The following PRLR variants were observed in gnomAD, a reference collection of about 807,000 sequenced individuals.
The protein encoded by PRLR is prolactin receptor.
In PRLR, 13 loss-of-function variants were observed where a neutral mutation model predicts 40.2. That is an observed-to-expected ratio of 0.32 (90% CI 0.21 to 0.51). PRLR has a LOEUF of 0.51. Among genes scored for constraint, PRLR ranks in the 20% least tolerant of loss-of-function variants. The pLI is 0.97. For synonymous variants in PRLR, 269 were observed against 278.7 expected (o/e 0.97, Z 0.35); for missense variants, 656 against 747.3 (o/e 0.88, Z 1.42).
At chr5:35,227,375 T>C (rs573970025) in intron 1 of PRLR, among the ~76,000 whole-genome samples, 7 of 152,204 alleles carry the variant, frequency 4.6e-5, no homozygotes, top group Non-Finnish European at 1.0e-4. Context: ...TGGTTCTGCC[T>C]TTCCTGAGCT....
intron 1 of PRLR, among the ~76,000 whole-genome samples, chr5:35,125,978 T>C (rs1055357579): frequency 2.0e-5 from 3 of 152,186 alleles, no homozygotes; most frequent in African/African-American, 7.2e-5. Context: ...AGCAAATTAG[T>C]AGCATGTGTC....
chr5:35,051,522 G>T (rs1768497780), downstream of PRLR, among the ~76,000 whole-genome samples: 1 of 152,270 alleles, frequency 6.6e-6, no homozygotes, highest in Middle Eastern at 3.4e-3. Flanking sequence ...TTAGAGTCTG[G>T]TTCACTATGA....
At chr5:35,198,458 A>G (rs1348267131) in intron 1 of PRLR, among the ~76,000 whole-genome samples, 1 of 152,238 alleles carries the variant, frequency 6.6e-6, no homozygotes, top group Non-Finnish European at 1.5e-5. Context: ...GGATGCCTAC[A>G]GTAGCCTCTG....
chr5:35,074,504 C>CATATATATATAT lies in PRLR; in HGVS notation c.374-1772_374-1761dup, dbSNP rs3034214. ...AACAGCTACATATTTTTTATGATTC[C>CATATATATATAT]ATATATATATATATATATATATGAA... On this transcript the variant is annotated intron_variant, in intron 5 of 9. Coordinates refer to ENST00000618457, the MANE Select transcript of PRLR (RefSeq NM_000949.7). Among the ~76,000 whole-genome samples, 145 of 132,606 alleles carry CATATATATATAT rather than the reference C, an allele frequency of 1.1e-3. 2 individuals carry two copies. Among genetic ancestry groups the CATATATATATAT allele is most frequent in the African/African-American group, 4.4e-3 (132 of 30,210 alleles). 87.0% of individuals were successfully genotyped at this position (132,606 alleles called of 152,430 possible).
At position 35,176,895 on chromosome 5, in the gene PRLR, C is replaced by T. The variant is rs1265407703; in HGVS notation, c.-106+53373G>A. 2.6e-5 allele frequency among the ~76,000 whole-genome samples: 4 copies of T among 152,224 alleles called. No homozygotes were observed. In the East Asian group the frequency reaches 7.7e-4, roughly 29 times the overall value. On this transcript the variant is annotated intron_variant, in intron 1 of 9. Coordinates refer to ENST00000618457, the MANE Select transcript of PRLR (RefSeq NM_000949.7). Reference sequence around the variant, plus strand: ...GAAGGCATCTGTCTCCTGCCTGTCCCTGGGCAATGGAATGTCTTGGTATAA... The same window carrying T: ...GAAGGCATCTGTCTCCTGCCTGTCCTTGGGCAATGGAATGTCTTGGTATAA...
chr5:35,169,420 G>A (rs1432280925), intron 1 of PRLR, among the ~76,000 whole-genome samples: 1 of 152,168 alleles, frequency 6.6e-6, no homozygotes, highest in Non-Finnish European at 1.5e-5. Flanking sequence ...TGGTTTCTGA[G>A]AATGGCCCAG....
chr5:35,068,458 CTT>C (rs1769519488), intron 8 of PRLR, among the ~76,000 whole-genome samples, 173 bp from the exon 9 acceptor site: 1 of 152,104 alleles, frequency 6.6e-6, no homozygotes, highest in South Asian at 2.1e-4. Context: ...TTAAAATTAA[CTT>C]TAGCTAATTA....
At position 35,065,897 on chromosome 5, in the gene PRLR, C is replaced by T. The variant is rs1348843459; in HGVS notation, c.1061G>A (p.Cys354Tyr). The change falls in exon 10 of 10, where the codon TGT (cysteine) becomes TAT (tyrosine). Residue 354 changes from cysteine (C) to tyrosine (Y), a missense_variant. Coordinates refer to ENST00000618457, the MANE Select transcript of PRLR (RefSeq NM_000949.7). ...DPDTDSGRGS[C>Y]DSPSLLSEKC... Reference sequence around the variant, plus strand: ...TTCAGACAAAAGGGAAGGGCTGTCACAGCTCCCCCGGCCTGAGTCAGTGTC... The same window carrying T: ...TTCAGACAAAAGGGAAGGGCTGTCATAGCTCCCCCGGCCTGAGTCAGTGTC... 3.1e-6 allele frequency: 5 copies of T among 1,614,052 alleles called. No individual in the cohort carries two copies. The highest frequency in any genetic ancestry group is 1.3e-5 in the African/African-American group (1 of 74,936).
chr5:35,053,159 G>T (rs936604668), downstream of PRLR, among the ~76,000 whole-genome samples: 1 of 152,020 alleles, frequency 6.6e-6, no homozygotes, highest in Non-Finnish European at 1.5e-5. Context: ...CCCATAACAC[G>T]TTTCTATTTA....
chr5:35,049,308 T>C, exon 9 of PRLR: 1 of 703,418 alleles, frequency 1.4e-6, no homozygotes, highest in Non-Finnish European at 2.6e-6. Flanking sequence ...TGGTCAATGT[T>C]GCCTTTGTGA....
In PRLR at chr5:35,064,191, G is replaced by A. The variant is rs1341983245; in HGVS notation, c.*898C>T. ...TAGAAAAATAGTCTTCAAAAATACA[G>A]TTAAACTTATGGGTTTATATTAAAG... On this transcript the variant is annotated 3_prime_UTR_variant, in exon 10 of 10. Coordinates refer to ENST00000618457, the MANE Select transcript of PRLR (RefSeq NM_000949.7). 1.3e-5 allele frequency: 2 copies of A among 152,142 alleles called. No homozygotes were observed. The highest frequency in any genetic ancestry group is 2.4e-5 in the African/African-American group (1 of 41,434). The allele number at this position is 152,142 out of a possible 1,614,324, so 9.4% of individuals were successfully genotyped here.
chr5:35,211,635 A>G (rs1776170786), intron 1 of PRLR, among the ~76,000 whole-genome samples: 1 of 152,220 alleles, frequency 6.6e-6, no homozygotes. Context: ...CTGATAGTTA[A>G]CTTAAGATAC....
chr5:35,093,249 G>C (rs887482330), intron 2 of PRLR, among the ~76,000 whole-genome samples: 2 of 152,172 alleles, frequency 1.3e-5, no homozygotes, highest in Admixed American at 6.5e-5. Flanking sequence ...TAACATAGGA[G>C]AGGAGGCAGT....
chr5:35,119,445 G>A (rs965855901), intron 1 of PRLR, among the ~76,000 whole-genome samples: 4 of 151,562 alleles, frequency 2.6e-5, no homozygotes, highest in African/African-American at 4.9e-5. Context: ...CTGTTGGCAT[G>A]ATCAATCAAG....
chr5:35,166,492 T>G (rs1341700654), intron 1 of PRLR, among the ~76,000 whole-genome samples: 3 of 152,156 alleles, frequency 2.0e-5, no homozygotes, highest in African/African-American at 7.2e-5. Flanking sequence ...CTCTCTTACA[T>G]CCATTTAGAT....
rs2112357224 is a variant in PRLR at position 35,062,743 on chromosome 5, C to T, written c.*2346G>A. 1 of 152,296 alleles carries T rather than the reference C, an allele frequency of 6.6e-6. No individual in the cohort carries two copies. 9.4% of individuals were successfully genotyped at this position (152,296 alleles called of 1,614,324 possible). ...GAGGGTGACTGTCTTTGGTTAATGT[C>T]TCTCAAGGTAGATTATATTCCTTGG... On this transcript the variant is annotated 3_prime_UTR_variant, in exon 10 of 10. Transcript: ENST00000618457.
rs1373279991 is a variant in PRLR at position 35,063,919 on chromosome 5, C to G, written c.*1170G>C. On this transcript the variant is annotated 3_prime_UTR_variant, in exon 10 of 10. Transcript: ENST00000618457. ...TGGTGGTAGCAGTTGTTTAAAGTGT[C>G]CTGGAGATCAAAAGAATCAGATAAA... 1 of 152,098 alleles carries G rather than the reference C, an allele frequency of 6.6e-6. No homozygotes were observed. The highest frequency in any genetic ancestry group is 1.5e-5 in the Non-Finnish European group (1 of 68,030). The allele number at this position is 152,098 out of a possible 1,614,324, so 9.4% of individuals were successfully genotyped here. A position where few individuals can be genotyped will look rare whatever the true frequency, so the allele number is the denominator to read the frequency against.
intron 1 of PRLR, among the ~76,000 whole-genome samples, chr5:35,216,780 G>A (rs1776297974): frequency 6.6e-6 from 1 of 152,184 alleles, no homozygotes; most frequent in African/African-American, 2.4e-5. Context: ...GTGATTATTT[G>A]AAATATTCAG....
At position 35,065,435 on chromosome 5, in the gene PRLR, T is replaced by A; in HGVS notation, c.1523A>T (p.Asp508Val). ...KTPFGSAKPL[D>V]YVEIHKVNKD... ...GTTGACCTTGTGAATCTCCACATAATCCAAGGGTTTAGCGGAGCCAAAGGG... is the reference window on the plus strand; with the variant it reads ...GTTGACCTTGTGAATCTCCACATAAACCAAGGGTTTAGCGGAGCCAAAGGG... The change falls in exon 10 of 10, where the codon GAT becomes GTT. Residue 508 changes from aspartate (D) to valine (V), a missense_variant. Coordinates refer to ENST00000618457, the MANE Select transcript of PRLR (RefSeq NM_000949.7). 6.2e-7 allele frequency: 1 copy of A among 1,614,132 alleles called. No homozygotes were observed. The highest frequency in any genetic ancestry group is 1.1e-5 in the South Asian group (1 of 91,084).
Sources: allele counts gnomAD v4.1 joint callset (sites outside exome capture counted in the v4.1 genomes callset), GRCh38; gene constraint gnomAD v4.1.1; transcripts MANE v1.5; gene names NCBI Gene and HGNC (gene_info 2026-07-23, HGNC 2026-07-21).